Variants in HERC5 observed in about 807,000 individuals in gnomAD.
The protein encoded by HERC5 is E3 ISG15--protein ligase HERC5.
HERC5 carries 99 observed loss-of-function variants against 119.6 expected under a neutral mutation model. The observed-to-expected ratio is 0.83, with a 90% CI of 0.70 to 0.98. HERC5 has a LOEUF of 0.98. Among genes scored for constraint, HERC5 ranks in the 50% least tolerant of loss-of-function variants. The pLI, the probability that HERC5 is intolerant of heterozygous loss-of-function variation, is 0.00. For synonymous variants in HERC5, 478 were observed against 445.9 expected, an observed-to-expected ratio of 1.07 and a Z score of -0.91; for missense variants, 1,267 against 1,241.3, an observed-to-expected ratio of 1.02 and a Z score of -0.31.
rs374301967 is a variant in HERC5 at position 88,504,469 on chromosome 4, A to G, written c.2767-26A>G. The G allele has an allele frequency of 7.6e-5, 120 of 1,569,672 alleles. No homozygotes were observed. In the African/African-American group the frequency reaches 1.2e-3, roughly 16 times the overall value. On this transcript the variant is annotated intron_variant, in intron 21 of 22. Transcript: ENST00000264350. ...TTCAGTTTTCCTTCCTATTTCCTCA[A>G]TAACTTTTTTTTGTATTTTCTCTAG...
At chr4:88,498,334 T>C (rs992414302) in intron 18 of HERC5, among the ~76,000 whole-genome samples, 4 of 152,234 alleles carry the variant, frequency 2.6e-5, no homozygotes, top group Non-Finnish European at 4.4e-5. Context: ...AGGGGTGGGC[T>C]TTGCCCAGCA....
At chr4:88,484,270 G>A (rs1741382769) in intron 13 of HERC5, among the ~76,000 whole-genome samples, 1 of 151,990 alleles carries the variant, frequency 6.6e-6, no homozygotes, top group African/African-American at 2.4e-5. Context: ...TCAGGTATCT[G>A]AAGTCTTTGC....
At chr4:88,483,902 T>C (rs972686157) in intron 13 of HERC5, among the ~76,000 whole-genome samples, 5 of 152,226 alleles carry the variant, frequency 3.3e-5, no homozygotes, top group Non-Finnish European at 5.9e-5. Context: ...GTTCCACATT[T>C]TAAATCTAAA....
At chr4:88,479,003 T>C (rs1431383788) in intron 12 of HERC5, among the ~76,000 whole-genome samples, 1 of 151,868 alleles carries the variant, frequency 6.6e-6, no homozygotes, top group Non-Finnish European at 1.5e-5. Context: ...ATATACCCAA[T>C]AAGCTGGTGA....
chr4:88,471,848 T>G (rs1040941622), intron 10 of HERC5, among the ~76,000 whole-genome samples: 2 of 151,980 alleles, frequency 1.3e-5, no homozygotes, highest in Non-Finnish European at 2.9e-5. Context: ...TTTTCTGTCT[T>G]CCTTCCTTCC....
intron 22 of HERC5, 138 bp downstream of exon 22, chr4:88,504,735 C>T (rs965748985): frequency 2.1e-5 from 9 of 437,940 alleles, no homozygotes; most frequent in African/African-American, 1.8e-4. Flanking sequence ...CCTCTGTGTC[C>T]CAACATCAAA....
rs1163913259 is a variant in HERC5 at position 88,505,750 on chromosome 4, T to G, written c.2947T>G (p.Trp983Gly). 1 of 1,606,756 alleles carries G rather than the reference T, an allele frequency of 6.2e-7. No individual in the cohort carries two copies. Among genetic ancestry groups the G allele is most frequent in the Admixed American group, 1.7e-5 (1 of 59,994 alleles). ...MKITFCCPES[W>G]NERDPIRALT... ...AATAACATTTTGCTGTCCTGAAAGTTGGAATGAAAGAGACCCTATAAGAGC... is the reference window on the plus strand; with the variant it reads ...AATAACATTTTGCTGTCCTGAAAGTGGGAATGAAAGAGACCCTATAAGAGC... The change falls in exon 23 of 23, where the codon TGG (tryptophan) becomes GGG (glycine). Residue 983 changes from tryptophan to glycine, a missense_variant. This residue lies in a region of HERC5 where 473 missense variants were observed against 445.7 expected (regional missense o/e 1.06). Coordinates refer to ENST00000264350, the MANE Select transcript of HERC5 (RefSeq NM_016323.4).
At position 88,461,672 on chromosome 4, in the gene HERC5, CTG is replaced by C. The variant is rs765343827; in HGVS notation, c.467-461_467-460del. On this transcript the variant is annotated intron_variant, in intron 3 of 22. Coordinates refer to ENST00000264350, the MANE Select transcript of HERC5 (RefSeq NM_016323.4). ...AGAAGAAACTGACTCGTTCAAGAAA[CTG>C]TAATTTGAAATTAATTTTACAGTTG... 1.2e-4 allele frequency among the ~76,000 whole-genome samples: 18 copies of C among 152,226 alleles called. 1 individual carries two copies. The highest frequency in any genetic ancestry group is 7.8e-4 in the Admixed American group (12 of 15,298).
chr4:88,467,039 T>A lies in HERC5; in HGVS notation c.912-20T>A, dbSNP rs1740694161. 6.2e-7 allele frequency: 1 copy of A among 1,612,942 alleles called. No homozygotes were observed. The highest frequency in any genetic ancestry group is 1.1e-5 in the South Asian group (1 of 91,052). ...ATTGTGGATAATTAAGAATTGACCA[T>A]ATGTGCTTTTATTTAATAGGTGGCA... On this transcript the variant is annotated intron_variant, in intron 6 of 22. Coordinates refer to ENST00000264350, the MANE Select transcript of HERC5 (RefSeq NM_016323.4).
intron 13 of HERC5, 52 bp downstream of exon 13, chr4:88,479,559 C>T (rs761697271): frequency 7.7e-6 from 11 of 1,436,704 alleles, no homozygotes; most frequent in Non-Finnish European, 1.0e-5. Context: ...TAAAAATTCC[C>T]TTCCTTTCAG....
intron 14 of HERC5, among the ~76,000 whole-genome samples, chr4:88,486,766 A>G (rs1741479452): frequency 1.3e-5 from 2 of 152,208 alleles, no homozygotes; most frequent in African/African-American, 4.8e-5. Flanking sequence ...TCCGTTTATC[A>G]AATGCAACTG....
At chr4:88,504,090 G>C in intron 20 of HERC5, 142 bp from the exon 21 acceptor site, 1 of 473,238 alleles carries the variant, frequency 2.1e-6, no homozygotes, top group East Asian at 3.4e-5. Flanking sequence ...AATTACATTA[G>C]ATAATCTCTA....
At chr4:88,485,460 T>A (rs1741424335) in intron 13 of HERC5, among the ~76,000 whole-genome samples, 1 of 152,240 alleles carries the variant, frequency 6.6e-6, no homozygotes, top group Admixed American at 6.5e-5. Flanking sequence ...ATTTGAGGCC[T>A]GGACGAGAGT....
intron 20 of HERC5, 117 bp from the exon 21 acceptor site, chr4:88,504,115 C>A: frequency 1.6e-6 from 1 of 626,644 alleles, no homozygotes; most frequent in Non-Finnish European, 2.8e-6. Context: ...CTATGACAGT[C>A]CATGGCACAT....
At chr4:88,481,232 T>A (rs1280920533) in intron 13 of HERC5, among the ~76,000 whole-genome samples, 1 of 152,160 alleles carries the variant, frequency 6.6e-6, no homozygotes, top group African/African-American at 2.4e-5. Flanking sequence ...TTTATATTTT[T>A]TGTAGAGATG....
rs1265395843 is a variant in HERC5, at chr4:88,467,212, C to G, written c.1057+8C>G. On this transcript the variant is annotated splice_region_variant and intron_variant, in intron 7 of 22. Coordinates refer to ENST00000264350, the MANE Select transcript of HERC5 (RefSeq NM_016323.4). ...GTGAAGAACTCAAACTTGGTAAATT[C>G]TATAGGAACATAGGGTTTGGCATAG... 2 of 1,613,676 alleles carry G rather than the reference C, an allele frequency of 1.2e-6. No individual in the cohort carries two copies. Among genetic ancestry groups the G allele is most frequent in the Admixed American group, 1.7e-5 (1 of 60,000 alleles).
intron 13 of HERC5, among the ~76,000 whole-genome samples, chr4:88,484,910 G>A (rs74958280): frequency 2.0e-5 from 3 of 152,178 alleles, no homozygotes; most frequent in Admixed American, 6.5e-5. Flanking sequence ...CTTTAAACAT[G>A]TTTGTTACAG....
Position 88,480,592 on chromosome 4 carries a change from G to C in HERC5, c.1737+1085G>C, listed in dbSNP as rs549001179. Among the ~76,000 whole-genome samples, 10 of 152,220 alleles carry C rather than the reference G, an allele frequency of 6.6e-5. No individual in the cohort carries two copies. In the South Asian group the frequency reaches 1.7e-3, roughly 25 times the overall value. ...GAATTGATAAGCTACGGATATGTGT[G>C]TGTTGTTCTTTACTGGTAGTGACAA... On this transcript the variant is annotated intron_variant, in intron 13 of 22. Transcript: ENST00000264350.
At chr4:88,483,922 ACT>A (rs952316665) in intron 13 of HERC5, among the ~76,000 whole-genome samples, 30 of 151,564 alleles carry the variant, frequency 2.0e-4, no homozygotes, top group Admixed American at 4.6e-4. Context: ...ATGAATATTG[ACT>A]CTCTTTTTTG....
Sources: gnomAD v4.1 joint callset for allele counts (sites outside exome capture counted in the v4.1 genomes callset) on GRCh38, gnomAD v4.1.1 for gene constraint, gnomAD v4.1.1 regional missense constraint, MANE v1.5 for transcripts, NCBI Gene and HGNC (gene_info 2026-07-23, HGNC 2026-07-21) for gene names.